The following DYNC2I1 variants were observed in gnomAD, a reference collection of about 807,000 sequenced individuals.
DYNC2I1 encodes cytoplasmic dynein 2 intermediate chain 1.
DYNC2I1 carries 89 observed loss-of-function variants against 133.4 expected under a neutral mutation model. The ratio of observed to expected loss-of-function variants is 0.67; its 90% CI spans 0.56 to 0.80. DYNC2I1 has a LOEUF of 0.80. DYNC2I1 is among the 30% of genes least tolerant of loss of function. The pLI is 0.00. For missense variants in DYNC2I1, 1,291 were observed against 1,314.5 expected, an observed-to-expected ratio of 0.98 and a Z score of 0.28; for synonymous variants, 504 against 484.3, an observed-to-expected ratio of 1.04 and a Z score of -0.54.
intron 14 of DYNC2I1, among the ~76,000 whole-genome samples, chr7:158,916,211 C>T (rs1305466167): frequency 1.4e-4 from 11 of 80,824 alleles, no homozygotes; most frequent in Non-Finnish European, 2.7e-4. Context: ...GATTGTGAAA[C>T]GTCTACACGC....
At chr7:158,902,696 G>T (rs1169172039) in intron 10 of DYNC2I1, 101 bp downstream of exon 10, 1 of 1,085,404 alleles carries the variant, frequency 9.2e-7, no homozygotes, top group Non-Finnish European at 1.3e-6. Flanking sequence ...AATAAGGTGG[G>T]TGGAGCAGTA....
At chr7:158,846,120 A>G in the DYNC2I1 span, among the ~76,000 whole-genome samples, 7 of 152,142 alleles carry the variant, frequency 4.6e-5, no homozygotes, top group Non-Finnish European at 8.8e-5. Flanking sequence ...TTAGCTGGGC[A>G]TGGTGGTGCG....
rs1484802002 is a variant in DYNC2I1, at chr7:158,926,183, CCA to C, written c.2258-3_2258-2del. The C allele has an allele frequency of 6.2e-7, 1 of 1,609,978 alleles. No homozygotes were observed. The highest frequency in any genetic ancestry group is 2.2e-5 in the East Asian group (1 of 44,826). ...CGTGGATGCTGTGGGCTTTTGAACT[CCA>C]GATGGAATCCTTACCTCAGTAAACC... On this transcript the variant is annotated splice_acceptor_variant and splice_polypyrimidine_tract_variant and intron_variant, in intron 17 of 24. Transcript: ENST00000407559. LOFTEE classifies it high-confidence loss of function.
At chr7:158,862,387 C>T (rs1312262631) in intron 1 of DYNC2I1, among the ~76,000 whole-genome samples, 3 of 152,014 alleles carry the variant, frequency 2.0e-5, no homozygotes, top group African/African-American at 7.3e-5. Context: ...CACTGAACTG[C>T]AGGTTACGAA....
chr7:158,876,591 A>C lies in DYNC2I1; in HGVS notation c.491-18A>C, dbSNP rs1222943957. ...GCTAACATTTGGGAGTATTAAAAATATGTTTTACTTCTTGTAGTAAGTAAA... is the reference window on the plus strand; with the variant it reads ...GCTAACATTTGGGAGTATTAAAAATCTGTTTTACTTCTTGTAGTAAGTAAA... On this transcript the variant is annotated intron_variant, in intron 3 of 24. Coordinates refer to ENST00000407559, the MANE Select transcript of DYNC2I1 (RefSeq NM_018051.5). The C allele has an allele frequency of 1.3e-6, 2 of 1,548,910 alleles. No homozygotes were observed. The highest frequency in any genetic ancestry group is 2.8e-5 in the African/African-American group (2 of 71,828).
the DYNC2I1 span, among the ~76,000 whole-genome samples, chr7:158,840,604 A>G: frequency 6.6e-6 from 1 of 152,358 alleles, no homozygotes; most frequent in Non-Finnish European, 1.5e-5. Flanking sequence ...TAAATTATAA[A>G]TCACGCAATT....
rs562329365 is a variant in DYNC2I1, at chr7:158,899,694, A to G, written c.1060-2045A>G. The stretch of plus-strand genomic sequence containing the variant: ...TAGTGAATACATCTCATGAGATCTG[A>G]TGGGTTTATCAGGGGTTTCTGCTTT... On this transcript the variant is annotated intron_variant, in intron 8 of 24. Transcript: ENST00000407559. Among the ~76,000 whole-genome samples, 6 of 152,136 alleles carry G rather than the reference A, an allele frequency of 3.9e-5. No homozygotes were observed. In the East Asian group the frequency reaches 7.7e-4, roughly 20 times the overall value.
intron 10 of DYNC2I1, chr7:158,905,357 T>G: frequency 3.5e-6 from 1 of 283,796 alleles, no homozygotes. Flanking sequence ...GCCCGGCTGG[T>G]CTGGAGCTCC....
intron 14 of DYNC2I1, among the ~76,000 whole-genome samples, chr7:158,917,735 C>G (rs1848616295): frequency 6.6e-6 from 1 of 152,150 alleles, no homozygotes; most frequent in South Asian, 2.1e-4. Flanking sequence ...CTCTGCCTCT[C>G]ACTAAACACT....
chr7:158,918,170 C>T (rs535427397), intron 14 of DYNC2I1, among the ~76,000 whole-genome samples: 5 of 152,234 alleles, frequency 3.3e-5, no homozygotes, highest in South Asian at 4.2e-4. Flanking sequence ...ATTCTCACTA[C>T]GCAGCTCCCT....
intron 16 of DYNC2I1, 118 bp from the exon 17 acceptor site, chr7:158,923,453 G>T: frequency 7.4e-7 from 1 of 1,356,646 alleles, no homozygotes; most frequent in Non-Finnish European, 1.0e-6. Flanking sequence ...ACTGGGCCCT[G>T]CAGGTGACTC....
intron 10 of DYNC2I1, chr7:158,905,339 C>T: frequency 3.4e-6 from 1 of 291,092 alleles, no homozygotes; most frequent in South Asian, 3.1e-5. Flanking sequence ...CGGGGTTTTG[C>T]CATGTTGGCC....
Position 158,856,613 on chromosome 7 carries a change from T to C in DYNC2I1, c.-123T>C, listed in dbSNP as rs2788472. ...CTTCTGGGCCCTCTGCTGCTCCTGC[T>C]TGTCGGTTGCTAGGCGCTGGGACGC... is the stretch of plus-strand genomic sequence containing the variant. On this transcript the variant is annotated 5_prime_UTR_variant, in exon 1 of 25. Transcript: ENST00000407559. The C allele has an allele frequency of 0.35, 360,716 of 1,031,326 alleles. 64,595 individuals carry two copies. The highest frequency in any genetic ancestry group is 0.57 in the East Asian group (17,266 of 30,552). The allele number at this position is 1,031,326 out of a possible 1,614,324, so 63.9% of individuals were successfully genotyped here. A position where few individuals can be genotyped will look rare whatever the true frequency, so the allele number is the denominator to read the frequency against.
At chr7:158,936,946 C>G (rs761539610) in intron 23 of DYNC2I1, among the ~76,000 whole-genome samples, 41 of 152,288 alleles carry the variant, frequency 2.7e-4, no homozygotes, top group Non-Finnish European at 4.4e-4. Flanking sequence ...ACAGAGAAAA[C>G]TGGAATAAAT....
At chr7:158,925,765 C>G (rs1849547682) in intron 17 of DYNC2I1, among the ~76,000 whole-genome samples, 1 of 152,114 alleles carries the variant, frequency 6.6e-6, no homozygotes, top group Non-Finnish European at 1.5e-5. Flanking sequence ...ATTTCCTGTT[C>G]ACGTCCCCCT....
intron 17 of DYNC2I1, among the ~76,000 whole-genome samples, chr7:158,925,132 G>A (rs761041649): frequency 6.6e-6 from 1 of 152,180 alleles, no homozygotes; most frequent in African/African-American, 2.4e-5. Context: ...TGGAACTTCT[G>A]ATTCAGACCA....
At chr7:158,858,833 CT>C (rs1457469656) in intron 1 of DYNC2I1, among the ~76,000 whole-genome samples, 9 of 83,044 alleles carry the variant, frequency 1.1e-4, no homozygotes, top group Non-Finnish European at 1.9e-4. Context: ...CCCCTCCCCC[CT>C]CCCCTTTCCC....
chr7:158,870,566 T>G (rs927364006), intron 2 of DYNC2I1, among the ~76,000 whole-genome samples: 15 of 151,868 alleles, frequency 9.9e-5, no homozygotes, highest in Non-Finnish European at 2.2e-4. Flanking sequence ...GAGATGGGGA[T>G]CTTGCTATGT....
At chr7:158,948,766 G>C (rs1042124536), downstream of DYNC2I1, among the ~76,000 whole-genome samples, 4 of 152,168 alleles carry the variant, frequency 2.6e-5, no homozygotes, top group Admixed American at 6.5e-5. Flanking sequence ...GAGTCAAGAG[G>C]GGGGTCCAGT....
Sources: allele counts gnomAD v4.1 joint callset (sites outside exome capture counted in the v4.1 genomes callset), GRCh38; gene constraint gnomAD v4.1.1; transcripts MANE v1.5; gene names NCBI Gene and HGNC (gene_info 2026-07-23, HGNC 2026-07-21).